Variants in KCNK9 observed in about 807,000 individuals in gnomAD.
KCNK9 encodes potassium two pore domain channel subfamily K member 9.
In KCNK9, 1 loss-of-function variant was observed where a neutral mutation model predicts 10.8. The observed-to-expected ratio is 0.09, with a 90% CI of 0.03 to 0.44. KCNK9 has a LOEUF of 0.44. Ranked by LOEUF, KCNK9 falls within the 20% of genes least tolerant of loss-of-function variation. The pLI, the probability that KCNK9 is intolerant of heterozygous loss-of-function variation, is 0.97. For missense variants in KCNK9, 303 were observed against 515.0 expected (o/e 0.59, Z 3.98); for synonymous variants, 231 against 222.7 (o/e 1.04, Z -0.33).
Position 139,634,513 on chromosome 8 carries a change from C to T in KCNK9, c.284-15414G>A, listed in dbSNP as rs574103208. Among the ~76,000 whole-genome samples, 15 of 152,272 alleles carry T rather than the reference C, an allele frequency of 9.9e-5. No homozygotes were observed. In the East Asian group the frequency reaches 2.1e-3, roughly 22 times the overall value. On this transcript the variant is annotated intron_variant, in intron 1 of 1. Coordinates refer to ENST00000520439, the MANE Select transcript of KCNK9 (RefSeq NM_001282534.2). ...GGCACCATCCTGAGATGCCCCCAAG[C>T]GCTCACCTCTTTTCAGGAGCCCCTT...
rs1178147537 is a variant in KCNK9 at position 139,687,453 on chromosome 8, TATATATTC to T, written c.283+15249_283+15256del. 7.8e-4 allele frequency among the ~76,000 whole-genome samples: 111 copies of T among 142,812 alleles called. 7 individuals carry two copies. Among genetic ancestry groups the T allele is most frequent in the African/African-American group, 2.4e-3 (93 of 38,494 alleles). The allele number at this position is 142,812 out of a possible 152,430, so 93.7% of individuals were successfully genotyped here. On this transcript the variant is annotated intron_variant, in intron 1 of 1. Transcript: ENST00000520439. ...ATATATTCATATATATGTATACACATATATATTCATATATTCATATATATGTATACATA... is the reference window on the plus strand; with the variant it reads ...ATATATTCATATATATGTATACACATATATATTCATATATATGTATACATA...
intron 1 of KCNK9, among the ~76,000 whole-genome samples, chr8:139,696,389 C>T (rs753791802): frequency 1.3e-4 from 20 of 152,158 alleles, no homozygotes; most frequent in Non-Finnish European, 2.2e-4. Flanking sequence ...AATAAAAATG[C>T]TTAAAAATCA....
chr8:139,623,785 C>A (rs1180039088), intron 1 of KCNK9, among the ~76,000 whole-genome samples: 1 of 152,148 alleles, frequency 6.6e-6, no homozygotes, highest in African/African-American at 2.4e-5. Context: ...GTCACTTATC[C>A]CTTTGGCAAT....
chr8:139,630,208 G>A (rs558544520), intron 1 of KCNK9, among the ~76,000 whole-genome samples: 5 of 152,222 alleles, frequency 3.3e-5, no homozygotes, highest in South Asian at 4.2e-4. Flanking sequence ...ATTTTGCAAC[G>A]CGCATTTTAC....
At chr8:139,686,118 TG>T (rs1482605270) in intron 1 of KCNK9, among the ~76,000 whole-genome samples, 11 of 152,298 alleles carry the variant, frequency 7.2e-5, no homozygotes, top group Non-Finnish European at 1.3e-4. Flanking sequence ...TAACTCAAGA[TG>T]GATTAAAGAC....
chr8:139,695,793 TCTA>T (rs549877662), intron 1 of KCNK9, among the ~76,000 whole-genome samples: 47 of 152,282 alleles, frequency 3.1e-4, no homozygotes, highest in Admixed American at 2.8e-3. Context: ...TTCCTGGGGC[TCTA>T]CTGAGAACAA....
intron 1 of KCNK9, among the ~76,000 whole-genome samples, chr8:139,671,111 A>C (rs1816416657): frequency 6.6e-6 from 1 of 152,230 alleles, no homozygotes; most frequent in African/African-American, 2.4e-5. Flanking sequence ...ACCAGAAGGA[A>C]GCGTAACCAC....
intron 1 of KCNK9, among the ~76,000 whole-genome samples, chr8:139,688,205 G>A (rs1406436464): frequency 6.6e-6 from 1 of 152,164 alleles, no homozygotes; most frequent in Non-Finnish European, 1.5e-5. Context: ...TTTACTTGCT[G>A]TACCCCAGCT....
intron 1 of KCNK9, among the ~76,000 whole-genome samples, chr8:139,695,064 C>T (rs2129805446): frequency 6.6e-6 from 1 of 152,356 alleles, no homozygotes; most frequent in Non-Finnish European, 1.5e-5. Flanking sequence ...TTTCCATCAA[C>T]CACCCCTTCC....
chr8:139,631,143 A>G (rs1017711621), intron 1 of KCNK9, among the ~76,000 whole-genome samples: 1 of 152,256 alleles, frequency 6.6e-6, no homozygotes, highest in Non-Finnish European at 1.5e-5. Flanking sequence ...CGCAGGAATC[A>G]TCTGGGAAAA....
Position 139,631,454 on chromosome 8 carries a change from C to T in KCNK9, c.284-12355G>A, listed in dbSNP as rs560631334. ...CACGTTGCCTTTGTAAGCCCCCAAG[C>T]CAGCCTGATGTGGTCTTCAGCCTCT... On this transcript the variant is annotated intron_variant, in intron 1 of 1. Coordinates refer to ENST00000520439, the MANE Select transcript of KCNK9 (RefSeq NM_001282534.2). 9.2e-5 allele frequency among the ~76,000 whole-genome samples: 14 copies of T among 152,320 alleles called. No individual in the cohort carries two copies. In the South Asian group the frequency reaches 2.9e-3, roughly 32 times the overall value.
intron 1 of KCNK9, among the ~76,000 whole-genome samples, chr8:139,669,832 T>C (rs992039237): frequency 1.3e-5 from 2 of 152,280 alleles, no homozygotes; most frequent in Non-Finnish European, 2.9e-5. Flanking sequence ...ATGTCAACTA[T>C]GGCATTACAA....
In KCNK9 at chr8:139,618,191, G is replaced by A; in HGVS notation, c.*67C>T. The A allele has an allele frequency of 1.9e-6, 3 of 1,590,106 alleles. No individual in the cohort carries two copies. The highest frequency in any genetic ancestry group is 2.6e-6 in the Non-Finnish European group (3 of 1,158,714). ...ATAATAAATAAATAAGAAAAGACGA[G>A]TTGGACCAATGGAAATTAACACCAA... On this transcript the variant is annotated 3_prime_UTR_variant, in exon 2 of 2. Coordinates refer to ENST00000520439, the MANE Select transcript of KCNK9 (RefSeq NM_001282534.2). The surrounding 1 kb of genome is among the most constrained non-coding windows in gnomAD (Gnocchi z 7.9).
chr8:139,642,758 G>A (rs1221224546), intron 1 of KCNK9, among the ~76,000 whole-genome samples: 3 of 152,254 alleles, frequency 2.0e-5, no homozygotes, highest in African/African-American at 4.8e-5. Context: ...CAGGGCAGGA[G>A]GGGACAGTAC....
chr8:139,651,197 T>C (rs1586664562), intron 1 of KCNK9, among the ~76,000 whole-genome samples: 3 of 152,168 alleles, frequency 2.0e-5, no homozygotes, highest in East Asian at 3.9e-4. Flanking sequence ...ATATGCCAGG[T>C]GGGGCTGGAG....
chr8:139,626,570 C>T (rs1814984894), intron 1 of KCNK9, among the ~76,000 whole-genome samples: 1 of 152,140 alleles, frequency 6.6e-6, no homozygotes, highest in Non-Finnish European at 1.5e-5. Context: ...GCCTCTTTCT[C>T]TTCTGTCACT....
intron 1 of KCNK9, among the ~76,000 whole-genome samples, chr8:139,639,634 C>T (rs932232224): frequency 6.6e-6 from 1 of 152,232 alleles, no homozygotes; most frequent in Admixed American, 6.5e-5. Context: ...GGCAGACCCA[C>T]ATGTGACACA....
intron 1 of KCNK9, among the ~76,000 whole-genome samples, chr8:139,625,252 T>C (rs17735924): frequency 0.089 from 13,563 of 152,254 alleles, 652 homozygotes; most frequent in Middle Eastern, 0.13. Flanking sequence ...CACAGGGCCT[T>C]CTTAGCCGGT....
chr8:139,682,881 C>A (rs1037788578), intron 1 of KCNK9, among the ~76,000 whole-genome samples: 1 of 151,920 alleles, frequency 6.6e-6, no homozygotes, highest in East Asian at 1.9e-4. Context: ...CCAGAGGAAG[C>A]CAAAAATTAG....
Sources: allele counts gnomAD v4.1 joint callset (sites outside exome capture counted in the v4.1 genomes callset), GRCh38; gene constraint gnomAD v4.1.1; non-coding constraint Gnocchi (gnomAD v3.1); transcripts MANE v1.5; gene names NCBI Gene and HGNC (gene_info 2026-07-23, HGNC 2026-07-21).